The following ASTL variants were observed in gnomAD, a reference collection of about 807,000 sequenced individuals.
ASTL encodes the protein astacin like metalloendopeptidase.
In ASTL, 27 loss-of-function variants were observed where a neutral mutation model predicts 36.7. That is an observed-to-expected ratio of 0.73 (90% CI 0.54 to 1.01). ASTL has a LOEUF of 1.01. Among genes scored for constraint, ASTL ranks in the 50% least tolerant of loss-of-function variants. ASTL has a pLI of 0.00. For synonymous variants in ASTL, 222 were observed against 228.1 expected (o/e 0.97, Z 0.24); for missense variants, 524 against 572.8 (o/e 0.91, Z 0.87).
At chr2:96,133,396 G>C (rs773350654) in intron 5 of ASTL, 29 bp downstream of exon 5, 1 of 1,401,874 alleles carries the variant, frequency 7.1e-7, no homozygotes, top group Non-Finnish European at 1.0e-6. Context: ...GAAGCGAGCT[G>C]AGATACGCAT....
At chr2:96,125,218 C>T (rs994060560) in intron 8 of ASTL, among the ~76,000 whole-genome samples, 2 of 152,192 alleles carry the variant, frequency 1.3e-5, no homozygotes, top group South Asian at 2.1e-4. Context: ...TCACACCTGC[C>T]GCCAGACCCA....
chr2:96,128,490 G>A (rs1682106781), intron 8 of ASTL, among the ~76,000 whole-genome samples: 1 of 152,022 alleles, frequency 6.6e-6, no homozygotes, highest in African/African-American at 2.4e-5. Context: ...TATGAGTTAG[G>A]GATTTTTAAA....
chr2:96,137,736 G>A (rs1450011191), intron 1 of ASTL, 36 bp from the exon 2 acceptor site: 3 of 1,589,876 alleles, frequency 1.9e-6, no homozygotes, highest in Admixed American at 1.7e-5. Flanking sequence ...ACAGATGCCT[G>A]GAGCACCCAC....
chr2:96,132,738 G>A lies in ASTL; in HGVS notation c.456-17C>T. 6.3e-7 allele frequency: 1 copy of A among 1,596,640 alleles called. No homozygotes were observed. The highest frequency in any genetic ancestry group is 8.6e-7 in the Non-Finnish European group (1 of 1,166,694). ...GAGAAGCACCTGCAGGGTGATGAGA[G>A]CAAGTGGGGTAAGTGCCAGCCCAGA... On this transcript the variant is annotated splice_polypyrimidine_tract_variant and intron_variant, in intron 5 of 8. Transcript: ENST00000342380. This position sits in a 1 kb window ranked among gnomAD's most constrained non-coding sequence, Gnocchi z 5.4.
intron 8 of ASTL, among the ~76,000 whole-genome samples, chr2:96,129,485 G>A (rs533428960): frequency 3.3e-5 from 5 of 152,290 alleles, no homozygotes; most frequent in Admixed American, 2.6e-4. Flanking sequence ...TCGGTGCCCA[G>A]GACCTCCACT....
At chr2:96,129,722 C>T (rs1043810858) in intron 8 of ASTL, 102 bp downstream of exon 8, 4 of 1,195,476 alleles carry the variant, frequency 3.3e-6, no homozygotes, top group Non-Finnish European at 4.6e-6. Context: ...TCTCACCCTG[C>T]TCCCCCTGCA....
Position 96,129,826 on chromosome 2 carries a change from C to T in ASTL, c.872G>A (p.Arg291Lys), listed in dbSNP as rs149434198. ...CSPSGPRPRGRGSHAHSTGRS... is the reference protein window; with the variant it reads ...CSPSGPRPRGKGSHAHSTGRS... ...CACCTTCCTGCCATGCCACTCACCT[C>T]TCCCACGGGGCCTGGGGCCACTTGG... The change falls in exon 8 of 9, where the codon AGA (arginine) becomes AAA (lysine). Residue 291 changes from arginine to lysine, a missense_variant and splice_region_variant. By Grantham distance (26) the Arg-to-Lys change is conservative. Transcript: ENST00000342380. 6.2e-4 allele frequency: 963 copies of T among 1,543,048 alleles called. 9 individuals carry two copies. The African/African-American group carries it at 0.012, about 20-fold the overall frequency.
At position 96,132,773 on chromosome 2, in the gene ASTL, A is replaced by G; in HGVS notation, c.456-52T>C. 1 of 1,525,362 alleles carries G rather than the reference A, an allele frequency of 6.6e-7. No individual in the cohort carries two copies. The highest frequency in any genetic ancestry group is 9.0e-7 in the Non-Finnish European group (1 of 1,116,624). 94.5% of individuals were successfully genotyped at this position (1,525,362 alleles called of 1,614,324 possible). The stretch of plus-strand genomic sequence containing the variant: ...TAAGTGCCAGCCCAGATCCCTCCGG[A>G]CATACAGACCTGGGCTCTCCCTCCC... On this transcript the variant is annotated intron_variant, in intron 5 of 8. Coordinates refer to ENST00000342380, the MANE Select transcript of ASTL (RefSeq NM_001002036.4). The surrounding 1 kb of genome is among the most constrained non-coding windows in gnomAD (Gnocchi z 5.4).
In ASTL at chr2:96,132,786, G is replaced by T; in HGVS notation, c.456-65C>A. The T allele has an allele frequency of 1.4e-6, 2 of 1,456,932 alleles. No homozygotes were observed. Among genetic ancestry groups the T allele is most frequent in the East Asian group, 2.3e-5 (1 of 42,836 alleles). 90.3% of individuals were successfully genotyped at this position (1,456,932 alleles called of 1,614,324 possible). A position where few individuals can be genotyped will look rare whatever the true frequency, so the allele number is the denominator to read the frequency against. On this transcript the variant is annotated intron_variant, in intron 5 of 8. Transcript: ENST00000342380. This position sits in a 1 kb window ranked among gnomAD's most constrained non-coding sequence, Gnocchi z 5.4. ...AGATCCCTCCGGACATACAGACCTG[G>T]GCTCTCCCTCCCCACACAACACAAG...
intron 3 of ASTL, among the ~76,000 whole-genome samples, chr2:96,134,754 A>G (rs1325926478): frequency 2.0e-5 from 3 of 152,208 alleles, no homozygotes; most frequent in Non-Finnish European, 4.4e-5. Flanking sequence ...CCAACAGGAC[A>G]GTCTTGCCTT....
intron 8 of ASTL, among the ~76,000 whole-genome samples, chr2:96,129,354 T>C (rs1007003457): frequency 6.6e-6 from 1 of 152,246 alleles, no homozygotes; most frequent in Non-Finnish European, 1.5e-5. Context: ...CCTTTTCTAA[T>C]TCTTATTAGT....
chr2:96,123,858 C>G lies in ASTL; in HGVS notation c.1288G>C (p.Glu430Gln). ...GGACAGAAGCCACAGGCTTAATCTTCGGACATCCCCTTGAAATGATTTCTA... is the reference window on the plus strand; with the variant it reads ...GGACAGAAGCCACAGGCTTAATCTTGGGACATCCCCTTGAAATGATTTCTA... ...VPRNHFKGMS[E>Q]D Residue 430 changes from glutamate (E) to glutamine (Q), a missense_variant, in exon 9 of 9, where the codon GAA becomes CAA. Glu to Gln is a conservative substitution (Grantham distance 29). Coordinates refer to ENST00000342380, the MANE Select transcript of ASTL (RefSeq NM_001002036.4). 6.2e-7 allele frequency: 1 copy of G among 1,612,264 alleles called. No individual in the cohort carries two copies. The highest frequency in any genetic ancestry group is 8.5e-7 in the Non-Finnish European group (1 of 1,179,250).
rs1222240168 is a variant in ASTL at position 96,124,285 on chromosome 2, G to A, written c.875-14C>T. The A allele has an allele frequency of 3.3e-6, 5 of 1,501,610 alleles. No homozygotes were observed. In the African/African-American group the frequency reaches 5.6e-5, roughly 17 times the overall value. 93.0% of individuals were successfully genotyped at this position (1,501,610 alleles called of 1,614,324 possible). On this transcript the variant is annotated splice_polypyrimidine_tract_variant and intron_variant, in intron 8 of 8. Coordinates refer to ENST00000342380, the MANE Select transcript of ASTL (RefSeq NM_001002036.4). The surrounding 1 kb of genome is among the most constrained non-coding windows in gnomAD (Gnocchi z 4.1). Reference sequence around the variant, plus strand: ...GGGCATGGGACCCTGCAACAGAAAAGACAGGAGGTGGAACCTCAGAACTGT... The same window carrying A: ...GGGCATGGGACCCTGCAACAGAAAAAACAGGAGGTGGAACCTCAGAACTGT...
In ASTL at chr2:96,123,716, G is replaced by T; in HGVS notation, c.*134C>A. On this transcript the variant is annotated 3_prime_UTR_variant, in exon 9 of 9. Coordinates refer to ENST00000342380, the MANE Select transcript of ASTL (RefSeq NM_001002036.4). Reference sequence around the variant, plus strand: ...CACAGTGAAGAGAGACAGGGGAAGAGTCCTGGCCCTCTGAGATGGGGTGGT... The same window carrying T: ...CACAGTGAAGAGAGACAGGGGAAGATTCCTGGCCCTCTGAGATGGGGTGGT... 2.9e-6 allele frequency: 2 copies of T among 691,798 alleles called. No homozygotes were observed. Among genetic ancestry groups the T allele is most frequent in the Non-Finnish European group, 2.4e-6 (1 of 409,818 alleles). The allele number at this position is 691,798 out of a possible 1,614,324, so 42.9% of individuals were successfully genotyped here.
intron 2 of ASTL, among the ~76,000 whole-genome samples, chr2:96,137,057 A>G (rs1046823637): frequency 6.6e-6 from 1 of 152,196 alleles, no homozygotes; most frequent in East Asian, 1.9e-4. Flanking sequence ...GTTAGCCAGG[A>G]TGGTCTCGAT....
Position 96,132,632 on chromosome 2 carries a change from T to A in ASTL, c.545A>T (p.His182Leu), listed in dbSNP as rs147042054. 2.5e-6 allele frequency: 4 copies of A among 1,613,544 alleles called. No homozygotes were observed. The highest frequency in any genetic ancestry group is 3.4e-6 in the Non-Finnish European group (4 of 1,179,830). ...GAAGCCCAGCACATGCATGAGCTCA[T>A]GAAGGACAATGCCCCGGCCCTTCTG... ...CLQKGRGIVL[H>L]ELMHVLGFWH... is the part of the protein sequence containing the mutation. The change falls in exon 6 of 9, where the codon CAT becomes CTT. Residue 182 changes from histidine to leucine, a missense_variant. Transcript: ENST00000342380. This position sits in a 1 kb window ranked among gnomAD's most constrained non-coding sequence, Gnocchi z 5.4.
rs760632727 is a variant in ASTL at position 96,124,570 on chromosome 2, G to A, written c.875-299C>T. 8.6e-5 allele frequency among the ~76,000 whole-genome samples: 13 copies of A among 151,830 alleles called. No homozygotes were observed. Among genetic ancestry groups the A allele is most frequent in the Non-Finnish European group, 1.8e-4 (12 of 67,938 alleles). ...AAGTCACCTGACCCAGCACCAAAGC[G>A]CCCACCTTCCGGACCCTTCACCCAG... On this transcript the variant is annotated intron_variant, in intron 8 of 8. Transcript: ENST00000342380. This position sits in a 1 kb window ranked among gnomAD's most constrained non-coding sequence, Gnocchi z 4.1.
chr2:96,135,441 C>G lies in ASTL; in HGVS notation c.182-29G>C. The G allele has an allele frequency of 1.9e-6, 3 of 1,610,066 alleles. No homozygotes were observed. The East Asian group carries it at 6.7e-5, about 36-fold the overall frequency. On this transcript the variant is annotated intron_variant, in intron 2 of 8. Transcript: ENST00000342380. Reference sequence around the variant, plus strand: ...GGAAAGGAAGAAGGACGTGTTGGCCCATGTCCCCCAGAACACTGACTCGTG... The same window carrying G: ...GGAAAGGAAGAAGGACGTGTTGGCCGATGTCCCCCAGAACACTGACTCGTG...
intron 4 of ASTL, 27 bp downstream of exon 4, chr2:96,133,938 G>T: frequency 6.7e-7 from 1 of 1,496,312 alleles, no homozygotes; most frequent in South Asian, 1.1e-5. Flanking sequence ...GGCTGAGGCA[G>T]GGAGGGAGCG....
Sources: allele counts gnomAD v4.1 joint callset (sites outside exome capture counted in the v4.1 genomes callset), GRCh38; gene constraint gnomAD v4.1.1; non-coding constraint Gnocchi (gnomAD v3.1); transcripts MANE v1.5; gene names NCBI Gene and HGNC (gene_info 2026-07-23, HGNC 2026-07-21).